The following EYA2 variants were observed in gnomAD, a reference collection of about 807,000 sequenced individuals.
EYA2 encodes protein phosphatase EYA2.
In EYA2, 31 loss-of-function variants were observed where a neutral mutation model predicts 69.2. The observed-to-expected ratio is 0.45, with a 90% confidence interval of 0.34 to 0.60. The LOEUF (loss-of-function observed/expected upper bound fraction) is 0.60. EYA2 is among the 20% of genes least tolerant of loss of function. The pLI, the probability that EYA2 is intolerant of heterozygous loss-of-function variation, is 0.02. For missense variants in EYA2, 622 were observed against 701.2 expected (o/e 0.89, Z 1.28); for synonymous variants, 257 against 279.4 (o/e 0.92, Z 0.80).
chr20:47,156,089 T>TACATACAC (rs1421463065), intron 10 of EYA2, among the ~76,000 whole-genome samples: 5 of 30,976 alleles, frequency 1.6e-4, no homozygotes, highest in Admixed American at 4.6e-4. Flanking sequence ...TATATATACA[T>TACATACAC]ACACACACAC....
intron 1 of EYA2, among the ~76,000 whole-genome samples, chr20:46,905,061 TG>T (rs1193336330): frequency 1.3e-5 from 2 of 152,082 alleles, no homozygotes; most frequent in Non-Finnish European, 2.9e-5. Context: ...TATACAGGTA[TG>T]CCTCTGAGAG....
intron 2 of EYA2, among the ~76,000 whole-genome samples, chr20:46,990,543 C>T (rs1416313750): frequency 6.6e-6 from 1 of 152,214 alleles, no homozygotes; most frequent in Non-Finnish European, 1.5e-5. Flanking sequence ...AGGGCAAGAA[C>T]TCGTCTGCCT....
At position 47,182,628 on chromosome 20, in the gene EYA2, T is replaced by TCAAAAAAAAAAAAAAAAAAAA. The variant is rs779945744; in HGVS notation, c.1436-663_1436-662insCAAAAAAAAAAAAAAAAAAAA. Among the ~76,000 whole-genome samples the TCAAAAAAAAAAAAAAAAAAAA allele has an allele frequency of 7.1e-5, 6 of 84,352 alleles. 2 individuals are homozygous for TCAAAAAAAAAAAAAAAAAAAA. Among genetic ancestry groups the TCAAAAAAAAAAAAAAAAAAAA allele is most frequent in the Middle Eastern group, 8.3e-3 (1 of 120 alleles). 55.3% of individuals were successfully genotyped at this position (84,352 alleles called of 152,430 possible). A position where few individuals can be genotyped will look rare whatever the true frequency, so the allele number is the denominator to read the frequency against. On this transcript the variant is annotated intron_variant, in intron 14 of 15. Transcript: ENST00000327619. ...TGGGCAACAAGAACGAGACTCCGTC[T>TCAAAAAAAAAAAAAAAAAAAA]AAAAAAAAAAAAAAAAGGTTAAGAT...
chr20:46,934,209 G>T (rs1222438564), intron 1 of EYA2, among the ~76,000 whole-genome samples: 2 of 152,158 alleles, frequency 1.3e-5, no homozygotes, highest in Non-Finnish European at 2.9e-5. Flanking sequence ...GACTTAATTG[G>T]CTCATGAAAC....
chr20:46,946,236 C>T (rs2146268509), intron 1 of EYA2, among the ~76,000 whole-genome samples: 1 of 152,292 alleles, frequency 6.6e-6, no homozygotes, highest in Non-Finnish European at 1.5e-5. Flanking sequence ...CTCCCTACTT[C>T]TAAGCTCAAA....
intron 1 of EYA2, among the ~76,000 whole-genome samples, chr20:46,923,162 G>A (rs1985255719): frequency 6.6e-6 from 1 of 152,180 alleles, no homozygotes; most frequent in South Asian, 2.1e-4. Flanking sequence ...GAGGCCAGGA[G>A]TTTGAAACCA....
chr20:47,161,241 C>G, intron 10 of EYA2: 2 of 524,866 alleles, frequency 3.8e-6, no homozygotes, highest in Non-Finnish European at 7.1e-6. Flanking sequence ...CACATGGGGA[C>G]AATGGAGAGC....
intron 2 of EYA2, among the ~76,000 whole-genome samples, chr20:46,993,939 A>T (rs1397257327): frequency 6.6e-6 from 1 of 152,184 alleles, no homozygotes; most frequent in African/African-American, 2.4e-5. Flanking sequence ...TGCTCAAAAA[A>T]CTTTACATAT....
At chr20:47,185,357 G>A (rs530837499) in intron 15 of EYA2, among the ~76,000 whole-genome samples, 64 of 125,762 alleles carry the variant, frequency 5.1e-4, no homozygotes, top group Non-Finnish European at 6.9e-4. Context: ...CTGGAGTGCA[G>A]TAGCATGATC....
At chr20:47,083,230 C>G (rs1225662590) in intron 7 of EYA2, among the ~76,000 whole-genome samples, 1 of 152,104 alleles carries the variant, frequency 6.6e-6, no homozygotes, top group Non-Finnish European at 1.5e-5. Flanking sequence ...ATATGGTCAC[C>G]TGATTTTTGA....
intron 9 of EYA2, among the ~76,000 whole-genome samples, chr20:47,133,246 G>A (rs1206827): frequency 0.016 from 2,418 of 152,198 alleles, 63 homozygotes; most frequent in African/African-American, 0.054. Context: ...TACCAGCTCA[G>A]CCACCCCAGG....
chr20:47,019,096 G>A (rs77312082), intron 5 of EYA2, among the ~76,000 whole-genome samples: 17,168 of 152,156 alleles, frequency 0.11, 1,355 homozygotes, highest in East Asian at 0.34. Context: ...CCAGGCAGTC[G>A]CCCAGGCACA....
chr20:46,969,219 G>GTT (rs796971465), intron 1 of EYA2, among the ~76,000 whole-genome samples: 18 of 150,596 alleles, frequency 1.2e-4, no homozygotes, highest in African/African-American at 3.7e-4. Flanking sequence ...TTTGTTTTTG[G>GTT]TTTTTTTTTT....
intron 2 of EYA2, among the ~76,000 whole-genome samples, chr20:46,999,798 G>A (rs1189220272): frequency 3.3e-5 from 5 of 152,166 alleles, no homozygotes; most frequent in African/African-American, 9.7e-5. Context: ...CCTTGCCCAC[G>A]GTTGTGTGAC....
chr20:47,047,394 C>CTTTTTT (rs1440846354), intron 5 of EYA2, among the ~76,000 whole-genome samples: 1 of 129,134 alleles, frequency 7.7e-6, no homozygotes, highest in African/African-American at 3.0e-5. Context: ...GTCTCTCTCT[C>CTTTTTT]TCTTTTTTTT....
chr20:46,991,018 G>A (rs1251064666), intron 2 of EYA2, among the ~76,000 whole-genome samples: 6 of 152,220 alleles, frequency 3.9e-5, no homozygotes, highest in Admixed American at 6.5e-5. Context: ...AGCTGGAACT[G>A]CGCTGATGAA....
At chr20:47,127,931 G>T (rs1217721517) in intron 9 of EYA2, among the ~76,000 whole-genome samples, 1 of 152,252 alleles carries the variant, frequency 6.6e-6, no homozygotes, top group Non-Finnish European at 1.5e-5. Flanking sequence ...TATTCAGAGA[G>T]TGTTGCTGTT....
chr20:47,072,498 A>G (rs1169513680), intron 6 of EYA2, among the ~76,000 whole-genome samples: 3 of 152,174 alleles, frequency 2.0e-5, no homozygotes, highest in African/African-American at 7.2e-5. Context: ...AGTATGTTCC[A>G]TCTTGACCTG....
At chr20:47,025,926 G>T (rs1413262778) in intron 5 of EYA2, among the ~76,000 whole-genome samples, 7 of 152,220 alleles carry the variant, frequency 4.6e-5, no homozygotes, top group African/African-American at 1.7e-4. Flanking sequence ...CACAAGTGAG[G>T]TTGAGCATCT....
Sources: gnomAD v4.1 joint callset for allele counts (sites outside exome capture counted in the v4.1 genomes callset) on GRCh38, gnomAD v4.1.1 for gene constraint, MANE v1.5 for transcripts, NCBI Gene and HGNC (gene_info 2026-07-23, HGNC 2026-07-21) for gene names.